Variants in STIL observed in about 807,000 individuals in gnomAD.
STIL encodes the protein SCL-interrupting locus protein.
In STIL, 55 loss-of-function variants were observed where a neutral mutation model predicts 110.1. The observed-to-expected ratio is 0.50, with a 90% CI of 0.40 to 0.63. STIL has a LOEUF of 0.63. Ranked by LOEUF, STIL falls within the 20% of genes least tolerant of loss-of-function variation. The pLI is 0.00. For missense variants in STIL, 1,358 were observed against 1,530.0 expected (o/e 0.89, Z 1.87); for synonymous variants, 481 against 530.0 (o/e 0.91, Z 1.27).
chr1:47,286,820 G>A (rs1421862681), intron 10 of STIL, among the ~76,000 whole-genome samples: 1 of 152,198 alleles, frequency 6.6e-6, no homozygotes, highest in Non-Finnish European at 1.5e-5. Context: ...ACCTGAGTGT[G>A]TGTAATGTCT....
At chr1:47,271,897 T>C (rs758483249) in intron 13 of STIL, among the ~76,000 whole-genome samples, 179 bp downstream of exon 13, 7 of 152,028 alleles carry the variant, frequency 4.6e-5, no homozygotes, top group Non-Finnish European at 7.4e-5. Flanking sequence ...TGTTATGCAG[T>C]TTGCAGGTGT....
chr1:47,256,979 A>C (rs200277069), intron 16 of STIL, among the ~76,000 whole-genome samples: 3 of 151,864 alleles, frequency 2.0e-5, no homozygotes, highest in Non-Finnish European at 2.9e-5. Flanking sequence ...CTGGGCAATA[A>C]GAGTACAAAA....
At chr1:47,287,520 A>AT in intron 10 of STIL, 31 bp downstream of exon 10, 1 of 1,401,320 alleles carries the variant, frequency 7.1e-7, no homozygotes, top group South Asian at 1.3e-5. Flanking sequence ...TTTTAAAAAA[A>AT]CACACACATA....
At chr1:47,260,251 AATTT>A in intron 16 of STIL, 34 bp downstream of exon 16, 1 of 1,560,094 alleles carries the variant, frequency 6.4e-7, no homozygotes, top group Non-Finnish European at 8.7e-7. Flanking sequence ...TAAAAAATAA[AATTT>A]ATTCACTCTT....
intron 13 of STIL, among the ~76,000 whole-genome samples, chr1:47,270,923 C>A (rs1644817089): frequency 6.6e-6 from 1 of 152,040 alleles, no homozygotes. Flanking sequence ...AGGCAATCCA[C>A]CTGCCTTGAC....
At chr1:47,274,746 C>A (rs1050540312) in intron 12 of STIL, among the ~76,000 whole-genome samples, 4 of 150,252 alleles carry the variant, frequency 2.7e-5, no homozygotes, top group African/African-American at 9.8e-5. Context: ...AAATATAAAG[C>A]TGTGGGTGAT....
intron 14 of STIL, among the ~76,000 whole-genome samples, chr1:47,265,666 A>G (rs1644628882): frequency 6.6e-6 from 1 of 150,998 alleles, no homozygotes; most frequent in Non-Finnish European, 1.5e-5. Flanking sequence ...CTGTAATCCT[A>G]GCTACTTGGC....
At position 47,301,582 on chromosome 1, in the gene STIL, A is replaced by G; in HGVS notation, c.432T>C (p.Asp144=). 1 of 1,613,884 alleles carries G rather than the reference A, an allele frequency of 6.2e-7. No homozygotes were observed. The highest frequency in any genetic ancestry group is 8.5e-7 in the Non-Finnish European group (1 of 1,179,998). The part of the protein sequence containing the change: ...CSREMIVHSV[D]DFSSALKALQ... ...GCACCTTTAAAGCTGAACTGAAGTC[A>G]TCTACACTGTGAACTATCATTTCTC... Residue 144 remains aspartate (D), a synonymous_variant, in exon 5 of 17, where the codon GAT becomes GAC. Transcript: ENST00000371877.
In STIL at chr1:47,251,474, C is replaced by A. The variant is rs757888284; in HGVS notation, c.3529G>T (p.Glu1177Ter). 6.2e-7 allele frequency: 1 copy of A among 1,614,204 alleles called. No homozygotes were observed. ...TCACAGTTAGAACAATTAATTATTT[C>A]ATGGTCATTCTTAGAAGGCTCTTTC... is the stretch of plus-strand genomic sequence containing the variant. Reference protein sequence around the residue: ...GQKEPSKNDHEIINCSNCESV... With the variant: ...GQKEPSKNDH Residue 1177 changes from glutamate (E) to a stop codon, truncating the protein, a stop_gained, in exon 17 of 17, where the codon GAA (glutamate) becomes TAA (stop). Transcript: ENST00000371877. LOFTEE classifies it low-confidence loss of function (END_TRUNC).
intron 15 of STIL, among the ~76,000 whole-genome samples, chr1:47,261,021 G>C (rs1387816623): frequency 6.6e-6 from 1 of 152,194 alleles, no homozygotes; most frequent in Non-Finnish European, 1.5e-5. Context: ...AGTTTTTATA[G>C]AAGCACATCC....
At chr1:47,302,159 G>T in intron 4 of STIL, 75 bp downstream of exon 4, 1 of 1,066,058 alleles carries the variant, frequency 9.4e-7, no homozygotes, top group Non-Finnish European at 1.5e-6. Context: ...AGGTTCAAGT[G>T]ATCCTCCCAC....
At chr1:47,268,776 TAAATA>T (rs1644731082) in intron 14 of STIL, among the ~76,000 whole-genome samples, 2 of 150,178 alleles carry the variant, frequency 1.3e-5, no homozygotes, top group African/African-American at 4.9e-5. Flanking sequence ...AATAAATAAA[TAAATA>T]AATAAATAAA....
chr1:47,264,512 A>G (rs11589932), intron 14 of STIL, among the ~76,000 whole-genome samples: 1 of 152,194 alleles, frequency 6.6e-6, no homozygotes, highest in Non-Finnish European at 1.5e-5. Context: ...TTTAAAAGAA[A>G]GTCTCTATAA....
At chr1:47,271,827 CA>C (rs1200796362) in intron 13 of STIL, among the ~76,000 whole-genome samples, 7 of 143,894 alleles carry the variant, frequency 4.9e-5, no homozygotes, top group Non-Finnish European at 6.1e-5. Context: ...AAACAAAAAA[CA>C]AAAAAAAAAC....
Position 47,282,429 on chromosome 1 carries a change from C to A in STIL, c.1164G>T (p.Met388Ile), listed in dbSNP as rs750927540. ...CACCAGAGTCGTGATCATGTATTGG[C>A]ATCTTCCCAGAAGATAACTTTTGGG... ...RSSQKLSSGKMPIHDHDSGVE... is the reference protein window; with the variant it reads ...RSSQKLSSGKIPIHDHDSGVE... Residue 388 changes from methionine to isoleucine, a missense_variant, in exon 11 of 17, where the codon ATG becomes ATT. Coordinates refer to ENST00000371877, the MANE Select transcript of STIL (RefSeq NM_001048166.1). The A allele has an allele frequency of 2.5e-6, 4 of 1,612,876 alleles. No individual in the cohort carries two copies. In the South Asian group the frequency reaches 4.4e-5, roughly 18 times the overall value.
At chr1:47,272,677 T>A (rs916288275) in intron 12 of STIL, among the ~76,000 whole-genome samples, 92 of 152,256 alleles carry the variant, frequency 6.0e-4, no homozygotes, top group African/African-American at 2.1e-3. Flanking sequence ...CTCAAACTCC[T>A]GGGCTCAAGC....
At chr1:47,265,667 G>T (rs1195345843) in intron 14 of STIL, among the ~76,000 whole-genome samples, 1 of 151,040 alleles carries the variant, frequency 6.6e-6, no homozygotes, top group African/African-American at 2.4e-5. Flanking sequence ...TGTAATCCTA[G>T]CTACTTGGCA....
At chr1:47,274,337 C>CT (rs547052740) in intron 12 of STIL, among the ~76,000 whole-genome samples, 1 of 150,370 alleles carries the variant, frequency 6.7e-6, no homozygotes, top group African/African-American at 2.5e-5. Flanking sequence ...CAGAACTTTT[C>CT]TTTTTTTTCT....
intron 2 of STIL, among the ~76,000 whole-genome samples, chr1:47,306,744 A>G (rs1645971318): frequency 1.3e-5 from 2 of 152,270 alleles, no homozygotes; most frequent in South Asian, 4.1e-4. Flanking sequence ...ATAATTCCTC[A>G]ACAAAGATGC....
Sources: allele counts gnomAD v4.1 joint callset (sites outside exome capture counted in the v4.1 genomes callset), GRCh38; gene constraint gnomAD v4.1.1; transcripts MANE v1.5; gene names NCBI Gene and HGNC (gene_info 2026-07-23, HGNC 2026-07-21).